CTNNA2: variants seen among roughly 807,000 people sequenced by gnomAD.
CTNNA2 encodes catenin alpha-2.
A neutral mutation model predicts 101.0 loss-of-function variants in CTNNA2; 42 were observed. That is an observed-to-expected ratio of 0.42 (90% confidence interval 0.32 to 0.54). CTNNA2 has a LOEUF of 0.54. Among genes scored for constraint, CTNNA2 ranks in the 20% least tolerant of loss-of-function variants. The pLI is 0.14. For missense variants in CTNNA2, 871 were observed against 1,223.1 expected (o/e 0.71, Z 4.29); for synonymous variants, 450 against 456.4 (o/e 0.99, Z 0.18).
chr2:80,534,173 C>A (rs948756494), intron 9 of CTNNA2, among the ~76,000 whole-genome samples: 4 of 152,096 alleles, frequency 2.6e-5, no homozygotes, highest in Non-Finnish European at 4.4e-5. Context: ...AAAAGAGCTG[C>A]TCTTCATCCC....
chr2:80,647,474 A>C, intron 18 of CTNNA2, 111 bp from the exon 19 acceptor site: 1 of 954,714 alleles, frequency 1.0e-6, no homozygotes, highest in East Asian at 2.5e-5. Flanking sequence ...TTTCAGCAAT[A>C]CTATTTATTT....
chr2:79,448,364 A>C (rs1272094301), intron 4 of CTNNA2, among the ~76,000 whole-genome samples: 1 of 152,056 alleles, frequency 6.6e-6, no homozygotes, highest in Non-Finnish European at 1.5e-5. Context: ...ACAACTTCAA[A>C]ATAAGCCACA....
intron 9 of CTNNA2, among the ~76,000 whole-genome samples, chr2:80,492,583 T>G (rs1015626702): frequency 6.6e-6 from 1 of 152,192 alleles, no homozygotes; most frequent in Non-Finnish European, 1.5e-5. Flanking sequence ...AAAATAAAAC[T>G]TCTCAACTTG....
chr2:80,164,816 A>G (rs796902248), intron 7 of CTNNA2, among the ~76,000 whole-genome samples: 9 of 151,992 alleles, frequency 5.9e-5, no homozygotes, highest in African/African-American at 2.2e-4. Flanking sequence ...TTTTCATTGG[A>G]TGTAGAATTA....
At chr2:80,242,326 G>A (rs969646890) in intron 7 of CTNNA2, among the ~76,000 whole-genome samples, 13 of 152,164 alleles carry the variant, frequency 8.5e-5, no homozygotes, top group Non-Finnish European at 1.5e-4. Flanking sequence ...CCAAAGCTCA[G>A]AGTTATAATT....
chr2:80,431,138 T>A (rs1343407784), intron 9 of CTNNA2, among the ~76,000 whole-genome samples: 2 of 152,172 alleles, frequency 1.3e-5, no homozygotes, highest in Non-Finnish European at 2.9e-5. Context: ...GAAGCCATAG[T>A]TGGAGAGGGA....
At chr2:79,768,923 C>T (rs372101652) in intron 3 of CTNNA2, among the ~76,000 whole-genome samples, 4 of 152,068 alleles carry the variant, frequency 2.6e-5, no homozygotes, top group Admixed American at 1.3e-4. Context: ...GGCGCCATCT[C>T]GGCTCACTGC....
intron 7 of CTNNA2, among the ~76,000 whole-genome samples, chr2:80,061,023 A>C (rs917698071): frequency 1.3e-5 from 2 of 152,046 alleles, no homozygotes; most frequent in African/African-American, 4.8e-5. Context: ...ACTGCACCAC[A>C]TCCTAAGCTC....
intron 15 of CTNNA2, among the ~76,000 whole-genome samples, chr2:80,595,251 C>G: frequency 6.6e-6 from 1 of 151,566 alleles, no homozygotes; most frequent in East Asian, 1.9e-4. Flanking sequence ...TGATACTGTT[C>G]TAAATGGAGT....
chr2:80,011,756 A>G (rs1013676530), intron 7 of CTNNA2, among the ~76,000 whole-genome samples: 2 of 152,170 alleles, frequency 1.3e-5, no homozygotes, highest in Non-Finnish European at 2.9e-5. Context: ...TTTCCCATAT[A>G]TGCTTTCAAC....
intron 7 of CTNNA2, among the ~76,000 whole-genome samples, chr2:80,100,164 C>G (rs986820227): frequency 6.6e-6 from 1 of 152,068 alleles, no homozygotes. Context: ...GAACTCCTGA[C>G]CTCAGGTGAT....
intron 7 of CTNNA2, among the ~76,000 whole-genome samples, chr2:80,041,877 G>A (rs544365210): frequency 1.5e-4 from 23 of 152,288 alleles, no homozygotes; most frequent in African/African-American, 5.5e-4. Flanking sequence ...CATAGGCTTA[G>A]AGAAAGCCAT....
rs186334951 is a variant in CTNNA2 at position 79,994,230 on chromosome 2, A to G, written c.1056+84433A>G. Among the ~76,000 whole-genome samples the G allele has an allele frequency of 2.1e-3, 327 of 152,290 alleles. 2 individuals are homozygous for G. Among genetic ancestry groups the G allele is most frequent in the African/African-American group, 7.3e-3 (302 of 41,572 alleles). On this transcript the variant is annotated intron_variant, in intron 7 of 18. Transcript: ENST00000402739. ...CTGCATCCAGCCAAAAGAGTTTATT[A>G]TGGTTTAAAAGCACCTCATGTTCCT...
At chr2:79,990,926 T>C (rs1397654585) in intron 7 of CTNNA2, among the ~76,000 whole-genome samples, 1 of 152,184 alleles carries the variant, frequency 6.6e-6, no homozygotes, top group East Asian at 1.9e-4. Flanking sequence ...TTTTGGTTGG[T>C]AAGCTATTAT....
rs1688139624 is a variant in CTNNA2, at chr2:79,941,232, A to G, written c.1056+31435A>G. On this transcript the variant is annotated intron_variant, in intron 7 of 18. Transcript: ENST00000402739. Reference sequence around the variant, plus strand: ...TCAGCAATAGCTTTTATTTCCCTATAGCCTATATTTGAATGTTAACCTTTC... The same window carrying G: ...TCAGCAATAGCTTTTATTTCCCTATGGCCTATATTTGAATGTTAACCTTTC... Among the ~76,000 whole-genome samples, 4 of 152,164 alleles carry G rather than the reference A, an allele frequency of 2.6e-5. No individual in the cohort carries two copies. In the South Asian group the frequency reaches 8.3e-4, roughly 32 times the overall value.
chr2:79,696,547 T>A (rs1294482799), intron 2 of CTNNA2, among the ~76,000 whole-genome samples: 1 of 152,024 alleles, frequency 6.6e-6, no homozygotes, highest in Non-Finnish European at 1.5e-5. Context: ...CTTTCAGTTG[T>A]TTAGGCATGT....
chr2:79,579,446 C>T (rs370936480), intron 1 of CTNNA2, among the ~76,000 whole-genome samples: 2 of 152,194 alleles, frequency 1.3e-5, no homozygotes, highest in African/African-American at 4.8e-5. Context: ...ACCTGAACTT[C>T]TCTATCGGTG....
chr2:79,917,730 G>A (rs1251220184), intron 7 of CTNNA2, among the ~76,000 whole-genome samples: 1 of 152,188 alleles, frequency 6.6e-6, no homozygotes, highest in African/African-American at 2.4e-5. Flanking sequence ...ATGTTGGCTG[G>A]TGCTGACCCA....
chr2:80,296,189 T>A (rs1675728955), intron 7 of CTNNA2, among the ~76,000 whole-genome samples: 1 of 152,200 alleles, frequency 6.6e-6, no homozygotes, highest in Non-Finnish European at 1.5e-5. Context: ...AAGCATTTAT[T>A]TTTTTAGCAC....
Sources: allele counts gnomAD v4.1 joint callset (sites outside exome capture counted in the v4.1 genomes callset), GRCh38; gene constraint gnomAD v4.1.1; transcripts MANE v1.5; gene names NCBI Gene and HGNC (gene_info 2026-07-23, HGNC 2026-07-21).